Variants in FREM3 observed in about 807,000 individuals in gnomAD.
FREM3 encodes the protein FRAS1-related extracellular matrix protein 3.
A neutral mutation model predicts 129.1 loss-of-function variants in FREM3; 105 were observed. The ratio of observed to expected loss-of-function variants is 0.81; its 90% CI spans 0.69 to 0.96. The LOEUF (loss-of-function observed/expected upper bound fraction) is 0.96, where lower values mean the gene tolerates loss of function less well. FREM3 is among the 40% of genes least tolerant of loss of function. FREM3 has a pLI of 0.00. For synonymous variants in FREM3, 1,014 were observed against 1,044.9 expected (o/e 0.97, Z 0.57); for missense variants, 2,593 against 2,666.3 (o/e 0.97, Z 0.61).
intron 6 of FREM3, among the ~76,000 whole-genome samples, chr4:143,595,267 T>C (rs528639645): frequency 6.6e-5 from 10 of 152,278 alleles, no homozygotes; most frequent in Admixed American, 5.9e-4. Context: ...AACAGACGGG[T>C]AGGCTTAATC....
chr4:143,671,743 AC>A (rs1455447306), intron 2 of FREM3, among the ~76,000 whole-genome samples: 5 of 152,182 alleles, frequency 3.3e-5, no homozygotes, highest in South Asian at 4.2e-4. Context: ...TCACCTCAAA[AC>A]CCCATTTAAT....
At chr4:143,601,934 A>C (rs957516227) in intron 6 of FREM3, 2 of 152,156 alleles carry the variant, frequency 1.3e-5, no homozygotes, top group Non-Finnish European at 2.9e-5. Context: ...GTCCAGCAAA[A>C]TAGAATAAAA....
rs879856579 is a variant in FREM3 at position 143,583,661 on chromosome 4, T to TA, written c.6178+2182dup. 3.8e-3 allele frequency among the ~76,000 whole-genome samples: 539 copies of TA among 142,748 alleles called. 4 individuals are homozygous for TA. Among genetic ancestry groups the TA allele is most frequent in the African/African-American group, 0.011 (428 of 38,990 alleles). 93.6% of individuals were successfully genotyped at this position (142,748 alleles called of 152,430 possible). A position where few individuals can be genotyped will look rare whatever the true frequency, so the allele number is the denominator to read the frequency against. On this transcript the variant is annotated intron_variant, in intron 7 of 7. Transcript: ENST00000329798. ...ATTAGGGGCCTTTATTAAGCATTAT[T>TA]AAAAAAAAAAAAGAATCTCAACCAA...
intron 7 of FREM3, among the ~76,000 whole-genome samples, chr4:143,579,619 G>A (rs1250770958): frequency 6.6e-6 from 1 of 152,076 alleles, no homozygotes; most frequent in African/African-American, 2.4e-5. Flanking sequence ...CTGCAAAATG[G>A]GGATAATGAT....
At chr4:143,675,769 G>A (rs1281417881) in intron 2 of FREM3, among the ~76,000 whole-genome samples, 3 of 152,148 alleles carry the variant, frequency 2.0e-5, no homozygotes, top group African/African-American at 4.8e-5. Flanking sequence ...ACACCTCTAT[G>A]CAAATAAACT....
chr4:143,579,341 T>C (rs1240754713), intron 7 of FREM3, among the ~76,000 whole-genome samples: 2 of 152,120 alleles, frequency 1.3e-5, no homozygotes. Flanking sequence ...TAGTCACAGC[T>C]ACTTGGGAGG....
Position 143,695,776 on chromosome 4 carries a change from CAT to C in FREM3, c.4898_4899del (p.Tyr1633CysfsTer25). 2 of 1,537,262 alleles carry C rather than the reference CAT, an allele frequency of 1.3e-6. No individual in the cohort carries two copies. Among genetic ancestry groups the C allele is most frequent in the South Asian group, 2.4e-5 (2 of 84,056 alleles). ...GTCGCCAGGGCAGTGTCTGGTAGGA[CAT>C]AGAAATCAGTGTGAGTGCCGTCTGT... Reference protein sequence around the residue: ...TVTDGTHTDFYVLPDTALATH... With the variant: ...TVTDGTHTDFXVLPDTALATH... On this transcript the variant is annotated frameshift_variant, in exon 1 of 8. Transcript: ENST00000329798. LOFTEE classifies it high-confidence loss of function.
In FREM3 at chr4:143,700,219, C is replaced by A; in HGVS notation, c.457G>T (p.Val153Leu). Residue 153 changes from valine (V) to leucine (L), a missense_variant, in exon 1 of 8, where the codon GTG (valine) becomes TTG (leucine). Val to Leu is a conservative substitution (Grantham distance 32, BLOSUM62 1). Transcript: ENST00000329798. ...TCCACCGCCAGCGTGAAGGGCAGCA[C>A]CAGAGTGTGAGTCGGGGCGTCGTAG... ...LRYDAPTHTL[V>L]LPFTLAVDLV... The A allele has an allele frequency of 6.5e-7, 1 of 1,536,994 alleles. No homozygotes were observed. The highest frequency in any genetic ancestry group is 8.7e-7 in the Non-Finnish European group (1 of 1,146,890).
At chr4:143,691,085 A>G (rs531541357) in intron 2 of FREM3, among the ~76,000 whole-genome samples, 7 of 152,330 alleles carry the variant, frequency 4.6e-5, no homozygotes, top group South Asian at 4.1e-4. Context: ...GATCTAAGGG[A>G]AAAAAATCCA....
chr4:143,694,573 T>C (rs1430100026), intron 1 of FREM3, among the ~76,000 whole-genome samples: 1 of 152,246 alleles, frequency 6.6e-6, no homozygotes, highest in Admixed American at 6.5e-5. Flanking sequence ...ATGATTTTAT[T>C]GTTTAAAGTT....
intron 2 of FREM3, among the ~76,000 whole-genome samples, chr4:143,631,859 G>A (rs1357152774): frequency 6.6e-6 from 1 of 152,052 alleles, no homozygotes; most frequent in Admixed American, 6.6e-5. Context: ...TTAGTAAAAC[G>A]TACTGTTTCT....
chr4:143,593,975 G>C (rs972671122), intron 6 of FREM3, among the ~76,000 whole-genome samples: 3 of 152,224 alleles, frequency 2.0e-5, no homozygotes, highest in Non-Finnish European at 4.4e-5. Flanking sequence ...TTTGATGTCA[G>C]ACTGCTGTGC....
At chr4:143,693,657 T>C (rs1003240274) in intron 1 of FREM3, among the ~76,000 whole-genome samples, 5 of 152,200 alleles carry the variant, frequency 3.3e-5, no homozygotes, top group African/African-American at 7.2e-5. Context: ...CAAATGTTCA[T>C]AGCAGCACTA....
At chr4:143,685,945 C>T (rs1335109599) in intron 2 of FREM3, among the ~76,000 whole-genome samples, 1 of 152,076 alleles carries the variant, frequency 6.6e-6, no homozygotes, top group African/African-American at 2.4e-5. Context: ...CAAACCATGG[C>T]ATGTGTATAC....
At chr4:143,683,838 A>G (rs1421569509) in intron 2 of FREM3, among the ~76,000 whole-genome samples, 4 of 152,102 alleles carry the variant, frequency 2.6e-5, no homozygotes, top group African/African-American at 9.7e-5. Flanking sequence ...TGAAAGTGAG[A>G]ACTGCCCTTC....
rs1740431687 is a variant in FREM3, at chr4:143,689,725, A to G, written c.5275+3388T>C. Among the ~76,000 whole-genome samples the G allele has an allele frequency of 2.0e-5, 3 of 152,132 alleles. No individual in the cohort carries two copies. In the South Asian group the frequency reaches 6.2e-4, roughly 32 times the overall value. ...GCCATAAAAGGAATGAATTAACAGC[A>G]TTTGCAGTGACCTGGATGAGATCGG... On this transcript the variant is annotated intron_variant, in intron 2 of 7. Transcript: ENST00000329798.
intron 1 of FREM3, among the ~76,000 whole-genome samples, chr4:143,693,997 A>G (rs2149863254): frequency 6.6e-6 from 1 of 151,134 alleles, no homozygotes; most frequent in African/African-American, 2.4e-5. Context: ...TGTTTTCTTG[A>G]GGGTGGAGGG....
intron 2 of FREM3, among the ~76,000 whole-genome samples, chr4:143,661,088 C>A (rs990443754): frequency 3.9e-5 from 6 of 152,210 alleles, no homozygotes; most frequent in Non-Finnish European, 7.3e-5. Context: ...CGTTCGCTGC[C>A]TGATTGCCCT....
intron 2 of FREM3, among the ~76,000 whole-genome samples, chr4:143,667,007 A>C (rs1025895562): frequency 4.6e-5 from 7 of 152,168 alleles, no homozygotes; most frequent in African/African-American, 1.7e-4. Context: ...ATTTTTAATA[A>C]AATTATTACC....
Sources: gnomAD v4.1 joint callset for allele counts (sites outside exome capture counted in the v4.1 genomes callset) on GRCh38, gnomAD v4.1.1 for gene constraint, MANE v1.5 for transcripts, NCBI Gene and HGNC (gene_info 2026-07-23, HGNC 2026-07-21) for gene names.